The following FBN3 variants were observed in gnomAD, a reference collection of about 807,000 sequenced individuals.
FBN3 encodes the protein fibrillin-3.
FBN3 carries 234 observed loss-of-function variants against 330.1 expected under a neutral mutation model. That is an observed-to-expected ratio of 0.71 (90% CI 0.64 to 0.79). The LOEUF (loss-of-function observed/expected upper bound fraction) is 0.79. FBN3 is among the 30% of genes least tolerant of loss of function. The probability of loss-of-function intolerance (pLI) is 0.00; values close to 1 mark genes in which losing one functional copy is unlikely to be tolerated. For synonymous variants in FBN3, 1,458 were observed against 1,517.3 expected (o/e 0.96, Z 0.91); for missense variants, 3,606 against 3,886.9 (o/e 0.93, Z 1.92).
Position 8,111,661 on chromosome 19 carries a change from G to T in FBN3, c.4071C>A (p.Gly1357=), listed in dbSNP as rs1194175053. The T allele has an allele frequency of 7.1e-7, 1 of 1,410,274 alleles. No individual in the cohort carries two copies. The highest frequency in any genetic ancestry group is 9.7e-7 in the Non-Finnish European group (1 of 1,032,876). 87.4% of individuals were successfully genotyped at this position (1,410,274 alleles called of 1,614,324 possible). Residue 1357 remains glycine (G), a synonymous_variant, in exon 32 of 64, where the codon GGC becomes GGA. Coordinates refer to ENST00000600128, the MANE Select transcript of FBN3 (RefSeq NM_032447.5). ...CTCTAATCTCACCTTCGCAGAAGAAGCCATCCCCGGCAAAGCCCTGGCGGC... is the reference window on the plus strand; with the variant it reads ...CTCTAATCTCACCTTCGCAGAAGAATCCATCCCCGGCAAAGCCCTGGCGGC... ...CTCRQGFAGD[G]FFCEDRDECA...
rs146343911 is a variant in FBN3, at chr19:8,142,096, C to T, written c.583G>A (p.Gly195Arg). Residue 195 changes from glycine to arginine, a missense_variant, in exon 7 of 64, where the codon GGG (glycine) becomes AGG (arginine). Gly to Arg is a moderately radical substitution (Grantham distance 125, BLOSUM62 -2). Transcript: ENST00000600128. ...GPCFGQVGPEGCQHQLTGLVC... is the reference protein window; with the variant it reads ...GPCFGQVGPERCQHQLTGLVC... ...AGGCCCGTCAGCTGATGCTGGCACC[C>T]CTCGGGGCCTACTTGGCCAAAGCAG... The T allele has an allele frequency of 1.9e-6, 3 of 1,613,120 alleles. No homozygotes were observed. The African/African-American group carries it at 4.0e-5, about 22-fold the overall frequency.
At chr19:8,082,035 C>T (rs2081801223) in intron 57 of FBN3, among the ~76,000 whole-genome samples, 1 of 152,006 alleles carries the variant, frequency 6.6e-6, no homozygotes. Context: ...GCAATCTCAG[C>T]TCACTGCACC....
chr19:8,074,821 C>T (rs1478478691), intron 61 of FBN3: 2 of 469,434 alleles, frequency 4.3e-6, no homozygotes, highest in African/African-American at 2.0e-5. Flanking sequence ...GACTTCAGGT[C>T]TCAGAATCTT....
Position 8,094,579 on chromosome 19 carries a change from G to A in FBN3, c.5786-14C>T, listed in dbSNP as rs2082170956. ...ACTCATTGGTGTCTGTGAAAAGGAG[G>A]AAGAAAGGTCCTTGTGCCAGCCAGG... On this transcript the variant is annotated splice_polypyrimidine_tract_variant and intron_variant, in intron 46 of 63. Coordinates refer to ENST00000600128, the MANE Select transcript of FBN3 (RefSeq NM_032447.5). 1 of 1,610,976 alleles carries A rather than the reference G, an allele frequency of 6.2e-7. No individual in the cohort carries two copies. The highest frequency in any genetic ancestry group is 1.3e-5 in the African/African-American group (1 of 75,018).
rs77701094 is a variant in FBN3, at chr19:8,081,152, A to T, written c.7337-33T>A. 9.9e-4 allele frequency: 1,572 copies of T among 1,583,536 alleles called. 16 individuals are homozygous for T. In the African/African-American group the frequency reaches 0.019, roughly 19 times the overall value. ...ACGGATGGTCCAGCAGGCTCAGGGC[A>T]GGGCCCAGTGGGGGATTAGGGGCTT... On this transcript the variant is annotated intron_variant, in intron 58 of 63. Transcript: ENST00000600128.
At chr19:8,130,269 A>G (rs10423664) in intron 16 of FBN3, among the ~76,000 whole-genome samples, 149,984 of 150,390 alleles carry the variant, frequency 1, 74,792 homozygotes, top group African/African-American at 1. Context: ...TTGGGAGGCC[A>G]AGGTGGGTGG....
intron 8 of FBN3, among the ~76,000 whole-genome samples, chr19:8,140,421 G>A (rs1408033428): frequency 6.6e-6 from 1 of 152,184 alleles, no homozygotes; most frequent in Non-Finnish European, 1.5e-5. Flanking sequence ...CCGAGATCGT[G>A]CCATTGCACT....
chr19:8,065,606 A>C lies in FBN3; in HGVS notation c.*313T>G. 2.6e-6 allele frequency: 1 copy of C among 384,822 alleles called. No homozygotes were observed. 23.8% of individuals were successfully genotyped at this position (384,822 alleles called of 1,614,324 possible). ...CCGCCAGGGCAAGCCACAGTGCAGTACAGAAGTGAAAGCCTGAGATTGGCC... is the reference window on the plus strand; with the variant it reads ...CCGCCAGGGCAAGCCACAGTGCAGTCCAGAAGTGAAAGCCTGAGATTGGCC... On this transcript the variant is annotated 3_prime_UTR_variant, in exon 64 of 64. Coordinates refer to ENST00000600128, the MANE Select transcript of FBN3 (RefSeq NM_032447.5).
chr19:8,110,470 C>T (rs781579981), intron 34 of FBN3, among the ~76,000 whole-genome samples: 1 of 152,206 alleles, frequency 6.6e-6, no homozygotes, highest in Non-Finnish European at 1.5e-5. Flanking sequence ...GGTACAGGGG[C>T]CACATTCATT....
At chr19:8,138,390 G>A (rs1445017923) in intron 9 of FBN3, 22 bp downstream of exon 9, 3 of 1,610,158 alleles carry the variant, frequency 1.9e-6, no homozygotes, top group Non-Finnish European at 2.5e-6. Flanking sequence ...CCACAGCCCT[G>A]CAGGCTGCAG....
At position 8,129,280 on chromosome 19, in the gene FBN3, G is replaced by C; in HGVS notation, c.2130C>G (p.Asn710Lys). 1 of 1,614,172 alleles carries C rather than the reference G, an allele frequency of 6.2e-7. No homozygotes were observed. Among genetic ancestry groups the C allele is most frequent in the South Asian group, 1.1e-5 (1 of 91,086 alleles). Residue 710 changes from asparagine to lysine, a missense_variant, in exon 17 of 64, where the codon AAC becomes AAG. Coordinates refer to ENST00000600128, the MANE Select transcript of FBN3 (RefSeq NM_032447.5). This position sits in a 1 kb window ranked among gnomAD's most constrained non-coding sequence, Gnocchi z 4.5. Reference sequence around the variant, plus strand: ...CTGAGGCACCTGCCTCATAACCCAGGTTGCAGACACAGCGGTAGCTGCCCC... The same window carrying C: ...CTGAGGCACCTGCCTCATAACCCAGCTTGCAGACACAGCGGTAGCTGCCCC... ...NLRGSYRCVC[N>K]LGYEAGASGK... is the part of the protein sequence containing the mutation.
chr19:8,117,018 C>T, intron 28 of FBN3, 151 bp downstream of exon 28: 3 of 1,310,264 alleles, frequency 2.3e-6, no homozygotes, highest in Non-Finnish European at 2.1e-6. Flanking sequence ...GAGCAGCCTG[C>T]CTGGGGCCAG....
chr19:8,143,482 T>TTTTTC (rs1349335347), intron 6 of FBN3, among the ~76,000 whole-genome samples: 3 of 141,260 alleles, frequency 2.1e-5, no homozygotes, highest in East Asian at 2.1e-4. Flanking sequence ...CCGTTCTCCT[T>TTTTTC]TTTTCTTTTC....
rs10404519 is a variant in FBN3, at chr19:8,096,072, C to T, written c.5548G>A (p.Glu1850Lys). ...ADQTLCMDIDECDRQPCGNGT... is the reference protein window; with the variant it reads ...ADQTLCMDIDKCDRQPCGNGT... ...TTTCCACAAGGCTGCCGGTCACACT[C>T]GTCAATGTCTGCAGAAGCAAAGCCG... Residue 1850 changes from glutamate to lysine, a missense_variant, in exon 45 of 64, where the codon GAG (glutamate) becomes AAG (lysine). By Grantham distance (56) the Glu-to-Lys change is moderately conservative. Coordinates refer to ENST00000600128, the MANE Select transcript of FBN3 (RefSeq NM_032447.5). The surrounding 1 kb of genome is among the most constrained non-coding windows in gnomAD (Gnocchi z 4.6). 1.5e-3 allele frequency: 2,420 copies of T among 1,613,348 alleles called. 34 individuals carry two copies. The African/African-American group carries it at 0.029, about 20-fold the overall frequency.
rs765212871 is a variant in FBN3 at position 8,106,153 on chromosome 19, A to C, written c.4768T>G (p.Cys1590Gly). 1.2e-6 allele frequency: 2 copies of C among 1,614,104 alleles called. No individual in the cohort carries two copies. Among genetic ancestry groups the C allele is most frequent in the Non-Finnish European group, 1.7e-6 (2 of 1,179,986 alleles). The change falls in exon 38 of 64, where the codon TGC becomes GGC. Residue 1590 changes from cysteine to glycine, a missense_variant. Transcript: ENST00000600128. Reference protein sequence around the residue: ...VNTFGSFQCECPPGYHLSEHT... With the variant: ...VNTFGSFQCEGPPGYHLSEHT... ...TCACTGAGGTGGTAGCCAGGTGGGC[A>C]CTCACACTGGAAACTGCCAAACGTG...
At chr19:8,113,057 C>T (rs566081062) in intron 30 of FBN3, among the ~76,000 whole-genome samples, 5 of 152,294 alleles carry the variant, frequency 3.3e-5, no homozygotes, top group South Asian at 2.1e-4. Context: ...ACAGGGTCTT[C>T]GTAGATGTAA....
At position 8,121,616 on chromosome 19, in the gene FBN3, G is replaced by A. The variant is rs961397769; in HGVS notation, c.3083-230C>T. 2.0e-5 allele frequency among the ~76,000 whole-genome samples: 3 copies of A among 152,244 alleles called. No homozygotes were observed. Among genetic ancestry groups the A allele is most frequent in the Admixed American group, 6.5e-5 (1 of 15,278 alleles). Reference sequence around the variant, plus strand: ...AGAACAGAAGCCCCCAAAAGGAGCCGAGGAAATGGAGGAACCCCAAACTAA... The same window carrying A: ...AGAACAGAAGCCCCCAAAAGGAGCCAAGGAAATGGAGGAACCCCAAACTAA... On this transcript the variant is annotated intron_variant, in intron 24 of 63. Transcript: ENST00000600128. This position sits in a 1 kb window ranked among gnomAD's most constrained non-coding sequence, Gnocchi z 4.5.
At chr19:8,111,796 C>G in intron 31 of FBN3, 26 bp from the exon 32 acceptor site, 3 of 1,609,636 alleles carry the variant, frequency 1.9e-6, no homozygotes, top group East Asian at 4.5e-5. Flanking sequence ...CCCAGACCCC[C>G]CACCCCATGG....
Position 8,081,494 on chromosome 19 carries a change from G to A in FBN3, c.7214-14C>T. The A allele has an allele frequency of 6.3e-7, 1 of 1,594,080 alleles. No homozygotes were observed. Among genetic ancestry groups the A allele is most frequent in the Non-Finnish European group, 8.5e-7 (1 of 1,171,032 alleles). Reference sequence around the variant, plus strand: ...ACTCATCCATATCTGGGGAAGGACAGCGTGGGTAGTGGGGCGGGGTTAGAC... The same window carrying A: ...ACTCATCCATATCTGGGGAAGGACAACGTGGGTAGTGGGGCGGGGTTAGAC... On this transcript the variant is annotated splice_polypyrimidine_tract_variant and intron_variant, in intron 57 of 63. Transcript: ENST00000600128.
Sources: allele counts gnomAD v4.1 joint callset (sites outside exome capture counted in the v4.1 genomes callset), GRCh38; gene constraint gnomAD v4.1.1; non-coding constraint Gnocchi (gnomAD v3.1); transcripts MANE v1.5; gene names NCBI Gene and HGNC (gene_info 2026-07-23, HGNC 2026-07-21).